SH3BP4: variants seen among roughly 807,000 people sequenced by gnomAD.
The protein encoded by SH3BP4 is SH3 domain-binding protein 4.
In SH3BP4, 33 loss-of-function variants were observed where a neutral mutation model predicts 65.5. The ratio of observed to expected loss-of-function variants is 0.50; its 90% CI spans 0.38 to 0.67. The LOEUF (loss-of-function observed/expected upper bound fraction) is 0.67. Ranked by LOEUF, SH3BP4 falls within the 30% of genes least tolerant of loss-of-function variation. The probability of loss-of-function intolerance (pLI) is 0.00; values close to 1 mark genes in which losing one functional copy is unlikely to be tolerated. For synonymous variants in SH3BP4, 552 were observed against 545.5 expected (o/e 1.01, Z -0.17); for missense variants, 1,134 against 1,261.4 (o/e 0.90, Z 1.53).
intron 1 of SH3BP4, among the ~76,000 whole-genome samples, chr2:234,953,541 C>A (rs1692523312): frequency 2.0e-5 from 3 of 152,196 alleles, no homozygotes. Flanking sequence ...AGGCCTGGAT[C>A]CTCACCGCCC....
intron 2 of SH3BP4, among the ~76,000 whole-genome samples, chr2:235,012,949 G>A (rs1694562255): frequency 6.6e-6 from 1 of 152,226 alleles, no homozygotes; most frequent in Admixed American, 6.5e-5. Flanking sequence ...CGCCTAGGCT[G>A]TGGGGCTGGA....
chr2:235,021,490 G>C (rs1694843969), intron 2 of SH3BP4, among the ~76,000 whole-genome samples: 1 of 151,848 alleles, frequency 6.6e-6, no homozygotes, highest in African/African-American at 2.4e-5. Flanking sequence ...AGATATGGTG[G>C]CACATGCCTG....
chr2:235,053,952 C>A lies in SH3BP4; in HGVS notation c.*136C>A. 2 of 669,758 alleles carry A rather than the reference C, an allele frequency of 3.0e-6. No individual in the cohort carries two copies. The highest frequency in any genetic ancestry group is 5.1e-6 in the Non-Finnish European group (2 of 390,552). The allele number at this position is 669,758 out of a possible 1,614,324, so 41.5% of individuals were successfully genotyped here. A position where few individuals can be genotyped will look rare whatever the true frequency, so the allele number is the denominator to read the frequency against. On this transcript the variant is annotated 3_prime_UTR_variant, in exon 6 of 6. Transcript: ENST00000392011. ...TTTAGGGCCCGCCAGCTAGGCTACA[C>A]CCATCATGCGCCGCCCTCCTCCATC...
rs1012201568 is a variant in SH3BP4, at chr2:235,034,524, G to A, written c.-132-347G>A. ...AGCCCTGCAGCTAGCAGCATGAACT[G>A]TACAGTCCTGCGCTGTCCTCCTCTT... On this transcript the variant is annotated intron_variant, in intron 2 of 5. Coordinates refer to ENST00000392011, the MANE Select transcript of SH3BP4 (RefSeq NM_014521.3). This position sits in a 1 kb window ranked among gnomAD's most constrained non-coding sequence, Gnocchi z 6.2. 2.0e-5 allele frequency among the ~76,000 whole-genome samples: 3 copies of A among 152,206 alleles called. No individual in the cohort carries two copies. Among genetic ancestry groups the A allele is most frequent in the East Asian group, 1.9e-4 (1 of 5,192 alleles).
chr2:234,973,705 A>C lies in SH3BP4; in HGVS notation c.-207+21535A>C, dbSNP rs202172421. On this transcript the variant is annotated intron_variant, in intron 1 of 5. Coordinates refer to ENST00000392011, the MANE Select transcript of SH3BP4 (RefSeq NM_014521.3). ...TGCTCTGTTGCCCAGGCTGGAGTGG[A>C]GGGCACAAGGATGAGTGACTTCTGG... is the stretch of plus-strand genomic sequence containing the variant. Among the ~76,000 whole-genome samples, 24 of 150,060 alleles carry C rather than the reference A, an allele frequency of 1.6e-4. No individual in the cohort carries two copies. In the East Asian group the frequency reaches 4.8e-3, roughly 30 times the overall value.
chr2:235,042,910 T>A lies in SH3BP4; in HGVS notation c.2141T>A (p.Val714Glu). ...TACTACCAGGGCAGGGTGGGCCTCG[T>A]GCACACCAAGAACGTGCTGGTGGTC... ...IGYYQGRVGLVHTKNVLVVGR... is the reference protein window; with the variant it reads ...IGYYQGRVGLEHTKNVLVVGR... Residue 714 changes from valine (V) to glutamate (E), a missense_variant, in exon 4 of 6, where the codon GTG becomes GAG. By Grantham distance (121) the Val-to-Glu change is moderately radical. Coordinates refer to ENST00000392011, the MANE Select transcript of SH3BP4 (RefSeq NM_014521.3). This position sits in a 1 kb window ranked among gnomAD's most constrained non-coding sequence, Gnocchi z 7.3. The A allele has an allele frequency of 6.2e-7, 1 of 1,613,346 alleles. No homozygotes were observed. The highest frequency in any genetic ancestry group is 8.5e-7 in the Non-Finnish European group (1 of 1,179,922).
intron 2 of SH3BP4, among the ~76,000 whole-genome samples, chr2:235,031,161 C>T (rs1695187934): frequency 6.6e-6 from 1 of 152,086 alleles, no homozygotes; most frequent in Admixed American, 6.5e-5. Flanking sequence ...AGTGGGACTT[C>T]CCTGCTTGGC....
At chr2:234,985,424 C>A (rs1693517757) in intron 1 of SH3BP4, among the ~76,000 whole-genome samples, 1 of 152,290 alleles carries the variant, frequency 6.6e-6, no homozygotes, top group South Asian at 2.1e-4. Context: ...ACGCATCTCA[C>A]CTGCATACAC....
intron 1 of SH3BP4, among the ~76,000 whole-genome samples, chr2:234,986,293 T>G (rs1367142444): frequency 2.0e-5 from 3 of 152,184 alleles, no homozygotes; most frequent in Admixed American, 6.5e-5. Context: ...AGGATTTGAG[T>G]CCATATTTAA....
In SH3BP4 at chr2:234,952,745, C is replaced by G. The variant is rs1692501584; in HGVS notation, c.-207+575C>G. 1 of 152,234 alleles carries G rather than the reference C, an allele frequency of 6.6e-6. No homozygotes were observed. The highest frequency in any genetic ancestry group is 6.5e-5 in the Admixed American group (1 of 15,294). 9.4% of individuals were successfully genotyped at this position (152,234 alleles called of 1,614,324 possible). ...TCCTGTGAGGATGAAATTGAAAACT[C>G]CGGTTTCTGGCTTGGCGATCGGGTG... On this transcript the variant is annotated intron_variant, in intron 1 of 5. Coordinates refer to ENST00000392011, the MANE Select transcript of SH3BP4 (RefSeq NM_014521.3). The surrounding 1 kb of genome is among the most constrained non-coding windows in gnomAD (Gnocchi z 6.5).
In SH3BP4 at chr2:235,053,893, TGAA is replaced by T; in HGVS notation, c.*80_*82del. The T allele has an allele frequency of 8.3e-7, 1 of 1,211,580 alleles. No individual in the cohort carries two copies. Among genetic ancestry groups the T allele is most frequent in the Non-Finnish European group, 1.2e-6 (1 of 825,994 alleles). 75.1% of individuals were successfully genotyped at this position (1,211,580 alleles called of 1,614,324 possible). On this transcript the variant is annotated 3_prime_UTR_variant, in exon 6 of 6. Transcript: ENST00000392011. ...GCGTGCCCTGCTGTCACCGCGGAGC[TGAA>T]GAGGGAGGAAGGGGCGGCTGCTCAG...
chr2:234,953,607 T>C (rs923328500), intron 1 of SH3BP4, among the ~76,000 whole-genome samples: 2 of 152,186 alleles, frequency 1.3e-5, no homozygotes, highest in African/African-American at 4.8e-5. Context: ...CTCAATCTGC[T>C]TCTCAAGCCA....
chr2:235,025,470 C>A (rs1015153252), intron 2 of SH3BP4, among the ~76,000 whole-genome samples: 3 of 152,142 alleles, frequency 2.0e-5, no homozygotes, highest in African/African-American at 4.8e-5. Flanking sequence ...ATTTACTGGT[C>A]CTGAATGCAC....
chr2:234,958,763 T>G (rs1312616773), intron 1 of SH3BP4, among the ~76,000 whole-genome samples: 1 of 152,022 alleles, frequency 6.6e-6, no homozygotes, highest in East Asian at 1.9e-4. Flanking sequence ...GCGGAGGATT[T>G]ATGAACGGGA....
rs1396019978 is a variant in SH3BP4, at chr2:235,030,727, G to C, written c.-132-4144G>C. Among the ~76,000 whole-genome samples, 1 of 152,104 alleles carries C rather than the reference G, an allele frequency of 6.6e-6. No individual in the cohort carries two copies. The highest frequency in any genetic ancestry group is 1.5e-5 in the Non-Finnish European group (1 of 68,004). On this transcript the variant is annotated intron_variant, in intron 2 of 5. Coordinates refer to ENST00000392011, the MANE Select transcript of SH3BP4 (RefSeq NM_014521.3). The surrounding 1 kb of genome is among the most constrained non-coding windows in gnomAD (Gnocchi z 4.1). ...GTGAGGAGCACACAGGGCAGCCCTGGGATGCTGGCTGCATTCTCCATCCCG... is the reference window on the plus strand; with the variant it reads ...GTGAGGAGCACACAGGGCAGCCCTGCGATGCTGGCTGCATTCTCCATCCCG...
At chr2:234,972,604 G>A (rs1199237898) in intron 1 of SH3BP4, among the ~76,000 whole-genome samples, 3 of 152,096 alleles carry the variant, frequency 2.0e-5, no homozygotes, top group Non-Finnish European at 4.4e-5. Context: ...GCATGTACCT[G>A]TAGTCCCAGC....
At chr2:235,019,736 A>G (rs1694795846) in intron 2 of SH3BP4, among the ~76,000 whole-genome samples, 1 of 151,252 alleles carries the variant, frequency 6.6e-6, no homozygotes, top group Non-Finnish European at 1.5e-5. Context: ...ACGCCTGGCC[A>G]GGGAAGGGTG....
chr2:235,002,342 G>A lies in SH3BP4; in HGVS notation c.-133+6966G>A, dbSNP rs889584943. ...AGCTGTCTTGGGTTTGTTATGTTGC[G>A]TAATCTTCTGAAGGACAGGTGGGTT... On this transcript the variant is annotated intron_variant, in intron 2 of 5. Transcript: ENST00000392011. Among the ~76,000 whole-genome samples, 9 of 152,248 alleles carry A rather than the reference G, an allele frequency of 5.9e-5. 1 individual carries two copies. Among genetic ancestry groups the A allele is most frequent in the African/African-American group, 9.6e-5 (4 of 41,544 alleles).
intron 1 of SH3BP4, among the ~76,000 whole-genome samples, chr2:234,985,511 G>C (rs1693521521): frequency 6.6e-6 from 1 of 152,142 alleles, no homozygotes; most frequent in Admixed American, 6.6e-5. Context: ...AAGCATTTTA[G>C]ACCCAATGCA....
Sources: gnomAD v4.1 joint callset for allele counts (sites outside exome capture counted in the v4.1 genomes callset) on GRCh38, gnomAD v4.1.1 for gene constraint, Gnocchi (gnomAD v3.1) non-coding constraint, MANE v1.5 for transcripts, NCBI Gene and HGNC (gene_info 2026-07-23, HGNC 2026-07-21) for gene names.